Variants in ZFP2 observed in about 807,000 individuals in gnomAD.
The protein encoded by ZFP2 is ZFP2 zinc finger protein.
Under a neutral mutation model 36.1 loss-of-function variants are expected in ZFP2, and 33 were observed. The ratio of observed to expected loss-of-function variants is 0.92; its 90% CI spans 0.69 to 1.22. The LOEUF (loss-of-function observed/expected upper bound fraction) is 1.22, where lower values mean the gene tolerates loss of function less well. Among genes scored for constraint, ZFP2 ranks in the 50% most tolerant of loss-of-function variants. ZFP2 has a pLI of 0.00. For synonymous variants in ZFP2, 170 were observed against 178.0 expected (o/e 0.96, Z 0.36); for missense variants, 522 against 551.4 (o/e 0.95, Z 0.53).
At chr5:178,925,284 T>C (rs527878680) in intron 4 of ZFP2, among the ~76,000 whole-genome samples, 2 of 149,022 alleles carry the variant, frequency 1.3e-5, no homozygotes, top group East Asian at 3.9e-4. Context: ...TTGACGATCT[T>C]GTTATCCATT....
intron 3 of ZFP2, among the ~76,000 whole-genome samples, chr5:178,916,088 A>AG (rs1277691087): frequency 6.6e-6 from 1 of 152,116 alleles, no homozygotes; most frequent in Admixed American, 6.6e-5. Context: ...TAACATAGTG[A>AG]GGGGGCCAAG....
intron 4 of ZFP2, among the ~76,000 whole-genome samples, chr5:178,920,820 T>A (rs768498774): frequency 1.3e-5 from 2 of 152,202 alleles, no homozygotes; most frequent in Non-Finnish European, 2.9e-5. Context: ...TCTCACTTGA[T>A]GTCTGTTGGT....
rs767148414 is a variant in ZFP2, at chr5:178,932,143, A to G, written c.830A>G (p.Lys277Arg). The G allele has an allele frequency of 5.6e-6, 9 of 1,613,366 alleles. No individual in the cohort carries two copies. The highest frequency in any genetic ancestry group is 4.4e-5 in the South Asian group (4 of 90,980). ...CCCTATGAGTGTAGTCAATGTGGAA[A>G]AGCCTTTAGTAAGAGCTCAACTCTT... ...EKPYECSQCG[K>R]AFSKSSTLTL... The change falls in exon 5 of 5, where the codon AAA becomes AGA. Residue 277 changes from lysine to arginine, a missense_variant. Lys to Arg is a conservative substitution (Grantham distance 26). Coordinates refer to ENST00000361362, the MANE Select transcript of ZFP2 (RefSeq NM_030613.4).
chr5:178,922,179 C>G (rs1337784437), intron 4 of ZFP2: 1 of 1,104,868 alleles, frequency 9.1e-7, no homozygotes, highest in Non-Finnish European at 1.4e-6. Flanking sequence ...ATATTGGAAA[C>G]ACACTTGACA....
At chr5:178,918,447 A>G (rs1230395468) in intron 4 of ZFP2, among the ~76,000 whole-genome samples, 2 of 152,188 alleles carry the variant, frequency 1.3e-5, no homozygotes, top group African/African-American at 2.4e-5. Flanking sequence ...GAAGCATGGG[A>G]CCTGCTTGCT....
intron 1 of ZFP2, chr5:178,909,649 C>T (rs1758247140): frequency 1.4e-6 from 2 of 1,430,618 alleles, no homozygotes; most frequent in South Asian, 1.8e-5. Flanking sequence ...AGGTCCAATT[C>T]CTCAGTTGGC....
At chr5:178,924,352 G>C (rs1284390542) in intron 4 of ZFP2, among the ~76,000 whole-genome samples, 1 of 124,396 alleles carries the variant, frequency 8.0e-6, no homozygotes, top group African/African-American at 2.8e-5. Context: ...CAGCCTGCAT[G>C]ACAGAGAGAG....
At chr5:178,899,349 GA>G (rs1446925801) in intron 1 of ZFP2, among the ~76,000 whole-genome samples, 3 of 152,150 alleles carry the variant, frequency 2.0e-5, no homozygotes, top group Non-Finnish European at 4.4e-5. Context: ...TAGGTCTGTT[GA>G]AAGTTCAAAT....
chr5:178,907,466 T>A (rs6866021), intron 1 of ZFP2, among the ~76,000 whole-genome samples: 94,341 of 151,162 alleles, frequency 0.62, 29,644 homozygotes, highest in Non-Finnish European at 0.64. Flanking sequence ...TAACAAAAAG[T>A]TGACTCCTGG....
At chr5:178,920,408 G>T (rs982877190) in intron 4 of ZFP2, among the ~76,000 whole-genome samples, 9 of 152,252 alleles carry the variant, frequency 5.9e-5, no homozygotes, top group South Asian at 2.1e-4. Flanking sequence ...AGAGGCCAAG[G>T]CTGGTGGGTC....
intron 4 of ZFP2, among the ~76,000 whole-genome samples, chr5:178,928,565 G>GT (rs1481008374): frequency 6.6e-6 from 1 of 152,220 alleles, no homozygotes; most frequent in East Asian, 1.9e-4. Context: ...CTTTGACTCT[G>GT]TATCTCATAT....
intron 1 of ZFP2, chr5:178,909,952 A>G (rs1467790553): frequency 2.1e-6 from 3 of 1,410,580 alleles, no homozygotes; most frequent in African/African-American, 1.4e-5. Context: ...AAGTTCAGCC[A>G]TTGGTCCAAT....
intron 1 of ZFP2, among the ~76,000 whole-genome samples, chr5:178,906,322 T>A (rs895424161): frequency 2.6e-5 from 4 of 152,332 alleles, no homozygotes; most frequent in African/African-American, 7.2e-5. Context: ...GAATCTTGCA[T>A]TTCTGATTTG....
chr5:178,916,705 C>T lies in ZFP2; in HGVS notation c.-83C>T, dbSNP rs1175696187. ...ATCTCACTTACTTGACACAAAACAT[C>T]TATAGGTAAGTACTGGTACTCCTCT... On this transcript the variant is annotated 5_prime_UTR_variant, in exon 4 of 5. Transcript: ENST00000361362. The T allele has an allele frequency of 1.0e-6, 1 of 985,318 alleles. No homozygotes were observed. The highest frequency in any genetic ancestry group is 1.7e-5 in the African/African-American group (1 of 57,238). The allele number at this position is 985,318 out of a possible 1,614,324, so 61.0% of individuals were successfully genotyped here.
intron 1 of ZFP2, among the ~76,000 whole-genome samples, chr5:178,897,612 T>C (rs1757969344): frequency 6.6e-6 from 1 of 152,228 alleles, no homozygotes; most frequent in African/African-American, 2.4e-5. Flanking sequence ...TTCGTTGATA[T>C]GAAATGTCAC....
intron 1 of ZFP2, among the ~76,000 whole-genome samples, chr5:178,900,857 C>T (rs1348550282): frequency 6.6e-6 from 1 of 152,126 alleles, no homozygotes; most frequent in African/African-American, 2.4e-5. Flanking sequence ...ACGTCCCCCA[C>T]CCCAGGAAGT....
At chr5:178,928,731 C>T (rs913884436) in intron 4 of ZFP2, among the ~76,000 whole-genome samples, 2 of 152,196 alleles carry the variant, frequency 1.3e-5, no homozygotes, top group East Asian at 3.9e-4. Context: ...GTGCATCTTA[C>T]ATTCTGGAGT....
At chr5:178,910,037 TTC>T (rs1159496296) in intron 1 of ZFP2, 1 of 1,455,840 alleles carries the variant, frequency 6.9e-7, no homozygotes, top group Non-Finnish European at 9.6e-7. Context: ...ACCACTGCCC[TTC>T]TTCAGAGTCC....
Position 178,932,468 on chromosome 5 carries a change from TG to T in ZFP2, c.1156del (p.Glu386AsnfsTer88). ...CTGGAGAGAAACCTTATGAGTGCAA[TG>T]AATGTGGAAAGGCATTCAGCCAGAG... ...HTGEKPYECN[E>X]CGKAFSQSAY... On this transcript the variant is annotated frameshift_variant, in exon 5 of 5. Coordinates refer to ENST00000361362, the MANE Select transcript of ZFP2 (RefSeq NM_030613.4). LOFTEE classifies it high-confidence loss of function. 6.2e-7 allele frequency: 1 copy of T among 1,614,102 alleles called. No homozygotes were observed. The highest frequency in any genetic ancestry group is 8.5e-7 in the Non-Finnish European group (1 of 1,180,020).
Sources: gnomAD v4.1 joint callset for allele counts (sites outside exome capture counted in the v4.1 genomes callset) on GRCh38, gnomAD v4.1.1 for gene constraint, MANE v1.5 for transcripts, NCBI Gene and HGNC (gene_info 2026-07-23, HGNC 2026-07-21) for gene names.